The following RPS6KC1 variants were observed in gnomAD, a reference collection of about 807,000 sequenced individuals.
RPS6KC1 encodes the protein ribosomal protein S6 kinase C1, also known as inactive ribosomal protein S6 kinase delta-1.
Under a neutral mutation model 103.8 loss-of-function variants are expected in RPS6KC1, and 54 were observed. That is an observed-to-expected ratio of 0.52 (90% CI 0.42 to 0.65). The LOEUF (loss-of-function observed/expected upper bound fraction) is 0.65. RPS6KC1 is among the 30% of genes least tolerant of loss of function. The probability of loss-of-function intolerance (pLI) is 0.00; values close to 1 mark genes in which losing one functional copy is unlikely to be tolerated. For synonymous variants in RPS6KC1, 439 were observed against 438.7 expected (o/e 1.00, Z -0.01); for missense variants, 1,151 against 1,253.8 (o/e 0.92, Z 1.24).
At chr1:213,430,395 A>G in the RPS6KC1 span, among the ~76,000 whole-genome samples, 2 of 152,218 alleles carry the variant, frequency 1.3e-5, no homozygotes, top group Admixed American at 6.5e-5. Flanking sequence ...GTGCAATATC[A>G]TGAATAACTA....
the RPS6KC1 span, among the ~76,000 whole-genome samples, chr1:213,554,645 C>A: frequency 3.3e-5 from 5 of 152,174 alleles, no homozygotes; most frequent in Admixed American, 1.3e-4. Flanking sequence ...TTGCGTGTTG[C>A]ACTTTTTGTA....
At chr1:213,079,958 C>A (rs1298998348) in intron 3 of RPS6KC1, among the ~76,000 whole-genome samples, 1 of 149,358 alleles carries the variant, frequency 6.7e-6, no homozygotes, top group East Asian at 1.9e-4. Flanking sequence ...CTCTTGTCAC[C>A]CAGACTGGAG....
chr1:213,407,216 G>GCA, the RPS6KC1 span, among the ~76,000 whole-genome samples: 20 of 92,836 alleles, frequency 2.2e-4, no homozygotes, highest in African/African-American at 5.0e-4. Context: ...ACATGCACGC[G>GCA]CGCACACACA....
chr1:213,754,620 T>C, the RPS6KC1 span, among the ~76,000 whole-genome samples: 1 of 152,222 alleles, frequency 6.6e-6, no homozygotes, highest in East Asian at 1.9e-4. Flanking sequence ...CCACTTTGTC[T>C]TCATCCATGA....
At chr1:213,378,360 C>A in the RPS6KC1 span, among the ~76,000 whole-genome samples, 1 of 152,164 alleles carries the variant, frequency 6.6e-6, no homozygotes, top group Admixed American at 6.5e-5. Context: ...AGGATTAATT[C>A]AACTCATTGG....
chr1:213,468,125 C>T, the RPS6KC1 span, among the ~76,000 whole-genome samples: 1 of 152,182 alleles, frequency 6.6e-6, no homozygotes, highest in Non-Finnish European at 1.5e-5. Flanking sequence ...AGGCTTTCCC[C>T]TCTGTTGCCT....
the RPS6KC1 span, among the ~76,000 whole-genome samples, chr1:213,607,463 T>C: frequency 6.6e-6 from 1 of 152,190 alleles, no homozygotes; most frequent in African/African-American, 2.4e-5. Context: ...TAGTAGTCTG[T>C]ATTCCAGCAT....
the RPS6KC1 span, among the ~76,000 whole-genome samples, chr1:213,831,633 T>A: frequency 6.6e-6 from 1 of 152,128 alleles, no homozygotes; most frequent in African/African-American, 2.4e-5. Flanking sequence ...ACATAAAGAT[T>A]TGTGTTTGTA....
chr1:213,772,201 C>A, the RPS6KC1 span, among the ~76,000 whole-genome samples: 1 of 152,178 alleles, frequency 6.6e-6, no homozygotes, highest in East Asian at 1.9e-4. Context: ...TCTTAGCACT[C>A]AGAGGCCCAT....
intron 12 of RPS6KC1, among the ~76,000 whole-genome samples, chr1:213,246,862 C>G (rs567763407): frequency 6.6e-6 from 1 of 151,846 alleles, no homozygotes; most frequent in Non-Finnish European, 1.5e-5. Flanking sequence ...TGCACTCCAG[C>G]CTGGGCAACA....
the RPS6KC1 span, among the ~76,000 whole-genome samples, chr1:213,801,085 C>T: frequency 1.3e-5 from 2 of 152,186 alleles, no homozygotes; most frequent in Non-Finnish European, 1.5e-5. Context: ...TGCAGAGGGA[C>T]TTTTGCTGAG....
rs2081142067 is a variant in RPS6KC1 at position 213,093,182 on chromosome 1, G to T, written c.263-11272G>T. Reference sequence around the variant, plus strand: ...TTGTAGGCAGCAGCTGTGGTTGTGTGGAAGGAATTGTTGGTTAATAATCTA... The same window carrying T: ...TTGTAGGCAGCAGCTGTGGTTGTGTTGAAGGAATTGTTGGTTAATAATCTA... On this transcript the variant is annotated intron_variant, in intron 3 of 14. Transcript: ENST00000366960. Among the ~76,000 whole-genome samples the T allele has an allele frequency of 2.0e-5, 3 of 151,296 alleles. No individual in the cohort carries two copies. In the South Asian group the frequency reaches 6.3e-4, roughly 32 times the overall value.
the RPS6KC1 span, among the ~76,000 whole-genome samples, chr1:213,605,423 T>G: frequency 6.6e-6 from 1 of 152,232 alleles, no homozygotes; most frequent in Non-Finnish European, 1.5e-5. Context: ...CTGCTGAAAA[T>G]TCAGCTTTGT....
chr1:213,334,769 C>T, the RPS6KC1 span, among the ~76,000 whole-genome samples: 1 of 152,328 alleles, frequency 6.6e-6, no homozygotes, highest in Non-Finnish European at 1.5e-5. Context: ...GTATATCTCT[C>T]TCTCTCTTTC....
At chr1:213,778,566 C>CT in the RPS6KC1 span, among the ~76,000 whole-genome samples, 3 of 151,206 alleles carry the variant, frequency 2.0e-5, no homozygotes, top group African/African-American at 7.3e-5. Flanking sequence ...CCTTTTTTTT[C>CT]TTTTTTTCAC....
the RPS6KC1 span, among the ~76,000 whole-genome samples, chr1:213,783,408 G>T: frequency 1.3e-5 from 2 of 152,172 alleles, no homozygotes; most frequent in Non-Finnish European, 2.9e-5. Flanking sequence ...CGAACCCTCT[G>T]CTGGGATAAC....
chr1:213,086,623 A>C (rs1566248), intron 3 of RPS6KC1, among the ~76,000 whole-genome samples: 95,032 of 152,034 alleles, frequency 0.63, 30,174 homozygotes, highest in African/African-American at 0.66. Context: ...CTCCCTATTT[A>C]AATTGCTGTA....
At chr1:213,443,744 C>T in the RPS6KC1 span, among the ~76,000 whole-genome samples, 1 of 151,950 alleles carries the variant, frequency 6.6e-6, no homozygotes, top group South Asian at 2.1e-4. Context: ...GGCGAAACCC[C>T]GTCTCTACTA....
intron 6 of RPS6KC1, among the ~76,000 whole-genome samples, chr1:213,157,728 ATAT>A (rs150371555): frequency 0.034 from 5,116 of 152,220 alleles, 117 homozygotes; most frequent in Admixed American, 0.052. Flanking sequence ...CAAGTTTTCT[ATAT>A]TATTACTGAT....
Sources: allele counts gnomAD v4.1 joint callset (sites outside exome capture counted in the v4.1 genomes callset), GRCh38; gene constraint gnomAD v4.1.1; transcripts MANE v1.5; gene names NCBI Gene and HGNC (gene_info 2026-07-23, HGNC 2026-07-21).